The following TECTA variants were observed in gnomAD, a reference collection of about 807,000 sequenced individuals.
TECTA encodes the protein tectorin alpha.
TECTA carries 128 observed loss-of-function variants against 216.8 expected under a neutral mutation model. The observed-to-expected ratio is 0.59, with a 90% confidence interval of 0.51 to 0.68. TECTA has a LOEUF of 0.68. Among genes scored for constraint, TECTA ranks in the 30% least tolerant of loss-of-function variants. The pLI, the probability that TECTA is intolerant of heterozygous loss-of-function variation, is 0.00. For synonymous variants in TECTA, 1,089 were observed against 1,117.1 expected (o/e 0.97, Z 0.50); for missense variants, 2,551 against 2,786.2 (o/e 0.92, Z 1.90).
At chr11:121,168,640 G>C in intron 19 of TECTA, 37 bp from the exon 20 acceptor site, 1 of 1,613,966 alleles carries the variant, frequency 6.2e-7, no homozygotes, top group Non-Finnish European at 8.5e-7. Flanking sequence ...AGGTAACATT[G>C]TTTTGGATTC....
At chr11:121,148,052 C>T (rs1946856364) in intron 12 of TECTA, among the ~76,000 whole-genome samples, 1 of 152,178 alleles carries the variant, frequency 6.6e-6, no homozygotes, top group Non-Finnish European at 1.5e-5. Flanking sequence ...GTCTTTCTCT[C>T]CCTTCTACCA....
At position 121,166,647 on chromosome 11, in the gene TECTA, G is replaced by T. The variant is rs1183399077; in HGVS notation, c.5453G>T (p.Cys1818Phe). Residue 1818 changes from cysteine to phenylalanine, a missense_variant, in exon 18 of 24, where the codon TGC becomes TTC. Physicochemically the swap from Cys to Phe is radical, Grantham distance 205. Around this residue, in one of 3 missense-constraint regions of TECTA, gnomAD observed 2,375 missense variants for 2,563.9 expected, o/e 0.93. Coordinates refer to ENST00000392793, the MANE Select transcript of TECTA (RefSeq NM_005422.4). ...AAQMEVSISK[C>F]KLFQLGFERE... ...CAAATGGAAGTGTCCATATCTAAGT[G>T]CAAGCTCTTCCAGCTCGGTTTTGAG... 1 of 1,614,092 alleles carries T rather than the reference G, an allele frequency of 6.2e-7. No individual in the cohort carries two copies. The highest frequency in any genetic ancestry group is 8.5e-7 in the Non-Finnish European group (1 of 1,180,052).
At chr11:121,108,804 T>C (rs4936574) in intron 3 of TECTA, among the ~76,000 whole-genome samples, 55,733 of 109,860 alleles carry the variant, frequency 0.51, 10,557 homozygotes, top group African/African-American at 0.54. Context: ...ACTCCTCACC[T>C]CAGTACACAA....
At chr11:121,144,726 GC>G (rs995033715) in intron 11 of TECTA, among the ~76,000 whole-genome samples, 1 of 152,156 alleles carries the variant, frequency 6.6e-6, no homozygotes, top group African/African-American at 2.4e-5. Context: ...TATGTCAAGT[GC>G]CCCCTCCATG....
chr11:121,119,006 C>CAA (rs1555122862), intron 7 of TECTA, among the ~76,000 whole-genome samples: 47 of 93,410 alleles, frequency 5.0e-4, no homozygotes, highest in Admixed American at 1.5e-3. Context: ...CACACACACA[C>CAA]ACACACACAC....
chr11:121,181,845 G>GATAT (rs1363422863), intron 20 of TECTA, among the ~76,000 whole-genome samples: 2 of 120,506 alleles, frequency 1.7e-5, no homozygotes, highest in African/African-American at 3.6e-5. Flanking sequence ...CTGTGCATCT[G>GATAT]GTATAATAGT....
chr11:121,160,362 G>A lies in TECTA; in HGVS notation c.4917G>A (p.Lys1639=). 1 of 1,613,896 alleles carries A rather than the reference G, an allele frequency of 6.2e-7. No homozygotes were observed. Among genetic ancestry groups the A allele is most frequent in the Non-Finnish European group, 8.5e-7 (1 of 1,180,026 alleles). The change falls in exon 15 of 24, where the codon AAG becomes AAA. Residue 1639 remains lysine, a synonymous_variant. Transcript: ENST00000392793. ...ATGATTATGTGACCTTGCGAGGGAA[G>A]CCGGTGGTAAGCAGCGTGGTGCTGG... ...LTDDYVTLRG[K]PVVSSVVLAQ...
At chr11:121,116,333 A>C (rs186530513) in intron 6 of TECTA, among the ~76,000 whole-genome samples, 8 of 152,322 alleles carry the variant, frequency 5.3e-5, no homozygotes, top group African/African-American at 1.4e-4. Context: ...CAGAAGTTGC[A>C]GACTCTTACC....
intron 20 of TECTA, among the ~76,000 whole-genome samples, chr11:121,182,218 TGGGCC>T (rs1947236905): frequency 6.6e-6 from 1 of 151,992 alleles, no homozygotes; most frequent in South Asian, 2.1e-4. Context: ...GTGGTAGCAG[TGGGCC>T]AGGTGGGTGG....
chr11:121,189,474 C>T (rs1031614834), intron 22 of TECTA, among the ~76,000 whole-genome samples: 15 of 151,740 alleles, frequency 9.9e-5, no homozygotes, highest in East Asian at 3.9e-4. Context: ...CCCGGGTTCA[C>T]GCCATTCTCC....
intron 11 of TECTA, among the ~76,000 whole-genome samples, chr11:121,142,301 C>G (rs1196471650): frequency 6.6e-6 from 1 of 152,224 alleles, no homozygotes; most frequent in Non-Finnish European, 1.5e-5. Flanking sequence ...ATCCATCAAG[C>G]CTGTTGCCAT....
chr11:121,157,827 C>T lies in TECTA; in HGVS notation c.4306-14C>T, dbSNP rs746391511. On this transcript the variant is annotated splice_polypyrimidine_tract_variant and intron_variant, in intron 13 of 23. Coordinates refer to ENST00000392793, the MANE Select transcript of TECTA (RefSeq NM_005422.4). ...CACAGTCTGAATTTAATGCAAACGGCGCCTCTCTTCCAGCCCAAGCAGCTA... is the reference window on the plus strand; with the variant it reads ...CACAGTCTGAATTTAATGCAAACGGTGCCTCTCTTCCAGCCCAAGCAGCTA... 1 of 1,613,358 alleles carries T rather than the reference C, an allele frequency of 6.2e-7. No homozygotes were observed. The highest frequency in any genetic ancestry group is 1.7e-5 in the Admixed American group (1 of 60,032).
At chr11:121,129,006 C>A (rs550443155) in intron 9 of TECTA, among the ~76,000 whole-genome samples, 22 of 152,338 alleles carry the variant, frequency 1.4e-4, no homozygotes, top group Non-Finnish European at 2.5e-4. Context: ...CTAATTGTTG[C>A]AGAACGGGGA....
At chr11:121,163,208 T>C (rs1396563691) in intron 16 of TECTA, among the ~76,000 whole-genome samples, 1 of 152,128 alleles carries the variant, frequency 6.6e-6, no homozygotes, top group Non-Finnish European at 1.5e-5. Context: ...TGATTAAGTG[T>C]AGGAATACAC....
In TECTA at chr11:121,188,064, C is replaced by T. The variant is rs1324240307; in HGVS notation, c.6162+70C>T. Reference sequence around the variant, plus strand: ...TGTCTTGGTTTCCCAACATGAGGATCGTGAATGCCAGGTGACCGGACTGGA... The same window carrying T: ...TGTCTTGGTTTCCCAACATGAGGATTGTGAATGCCAGGTGACCGGACTGGA... On this transcript the variant is annotated intron_variant, in intron 21 of 23. Transcript: ENST00000392793. The T allele has an allele frequency of 9.6e-6, 15 of 1,556,086 alleles. No individual in the cohort carries two copies. In the Middle Eastern group the frequency reaches 1.1e-3, roughly 114 times the overall value.
At chr11:121,180,813 C>CTTTTTTTTTTTTTTTTTTTTCT (rs34807486) in intron 20 of TECTA, among the ~76,000 whole-genome samples, 1 of 119,998 alleles carries the variant, frequency 8.3e-6, no homozygotes, top group Non-Finnish European at 1.7e-5. Flanking sequence ...TTTCTTATTC[C>CTTTTTTTTTTTTTTTTTTTTCT]TTTTTTTTTT....
intron 13 of TECTA, among the ~76,000 whole-genome samples, chr11:121,153,675 C>T (rs968055615): frequency 1.1e-4 from 17 of 152,246 alleles, no homozygotes; most frequent in Non-Finnish European, 2.2e-4. Context: ...CTCTGCGGCG[C>T]CCTCTACAGG....
Position 121,128,277 on chromosome 11 carries a change from G to T in TECTA, c.2300G>T (p.Arg767Leu), listed in dbSNP as rs1400202077. ...KKPDAGPAWL[R>L]GLRILVADQE... ...CCCGATGCAGGACCTGCTTGGCTGC[G>T]GGGACTTCGGATCCTGGTGGCCGAC... is the stretch of plus-strand genomic sequence containing the variant. Residue 767 changes from arginine (R) to leucine (L), a missense_variant, in exon 9 of 24, where the codon CGG becomes CTG. By Grantham distance (102) the Arg-to-Leu change is moderately radical. Transcript: ENST00000392793. 4 of 1,599,786 alleles carry T rather than the reference G, an allele frequency of 2.5e-6. No homozygotes were observed. The South Asian group carries it at 4.4e-5, about 18-fold the overall frequency.
chr11:121,127,649 A>T lies in TECTA; in HGVS notation c.1775-103A>T. On this transcript the variant is annotated intron_variant, in intron 8 of 23. Transcript: ENST00000392793. This position sits in a 1 kb window ranked among gnomAD's most constrained non-coding sequence, Gnocchi z 5.0. ...TTCCCCGAGTGGCCGCTTGACCCTC[A>T]CTCTAGGAACTAAATGATCCAGGAG... 7.2e-7 allele frequency: 1 copy of T among 1,387,232 alleles called. No homozygotes were observed. Among genetic ancestry groups the T allele is most frequent in the Non-Finnish European group, 1.0e-6 (1 of 977,254 alleles). 85.9% of individuals were successfully genotyped at this position (1,387,232 alleles called of 1,614,324 possible). A position where few individuals can be genotyped will look rare whatever the true frequency, so the allele number is the denominator to read the frequency against.
Sources: allele counts gnomAD v4.1 joint callset (sites outside exome capture counted in the v4.1 genomes callset), GRCh38; gene constraint gnomAD v4.1.1; regional missense constraint gnomAD v4.1.1; non-coding constraint Gnocchi (gnomAD v3.1); transcripts MANE v1.5; gene names NCBI Gene and HGNC (gene_info 2026-07-23, HGNC 2026-07-21).